Variants in RAB30 observed in about 807,000 individuals in gnomAD.
The protein encoded by RAB30 is RAB30, member RAS oncogene family, also known as ras-related protein Rab-30.
In RAB30, 9 loss-of-function variants were observed where a neutral mutation model predicts 25.1. The observed-to-expected ratio is 0.36, with a 90% confidence interval of 0.22 to 0.63. The LOEUF is 0.63. Among genes scored for constraint, RAB30 ranks in the 20% least tolerant of loss-of-function variants. The pLI, the probability that RAB30 is intolerant of heterozygous loss-of-function variation, is 0.69. For missense variants in RAB30, 140 were observed against 243.5 expected (o/e 0.58, Z 2.83); for synonymous variants, 77 against 86.4 (o/e 0.89, Z 0.60).
chr11:82,985,896 G>A lies in RAB30; in HGVS notation c.361+1691C>T, dbSNP rs1274860084. Among the ~76,000 whole-genome samples the A allele has an allele frequency of 3.9e-5, 6 of 152,026 alleles. No homozygotes were observed. In the South Asian group the frequency reaches 1.2e-3, roughly 32 times the overall value. Reference sequence around the variant, plus strand: ...CTGGCTAATCTCGCTACATTGCCCAGGCTGGTCAGAACTGCTGGGCTCAAG... The same window carrying A: ...CTGGCTAATCTCGCTACATTGCCCAAGCTGGTCAGAACTGCTGGGCTCAAG... On this transcript the variant is annotated intron_variant, in intron 4 of 4. Coordinates refer to ENST00000527633, the MANE Select transcript of RAB30 (RefSeq NM_001286060.2).
At chr11:82,996,717 T>C (rs745352856) in intron 2 of RAB30, among the ~76,000 whole-genome samples, 20 of 152,242 alleles carry the variant, frequency 1.3e-4, no homozygotes, top group African/African-American at 4.3e-4. Flanking sequence ...TTTCATTTCA[T>C]TCCTACTGAA....
chr11:83,045,057 G>A (rs746944834), intron 1 of RAB30, among the ~76,000 whole-genome samples: 7 of 152,144 alleles, frequency 4.6e-5, no homozygotes, highest in South Asian at 2.1e-4. Flanking sequence ...TTTCCTAGCC[G>A]AAATCTGCAC....
At chr11:83,056,505 G>C (rs1357173504) in intron 1 of RAB30, among the ~76,000 whole-genome samples, 1 of 152,204 alleles carries the variant, frequency 6.6e-6, no homozygotes, top group East Asian at 1.9e-4. Context: ...TCATAAAGAT[G>C]TGTTTCAACC....
intron 1 of RAB30, among the ~76,000 whole-genome samples, chr11:83,045,245 C>T (rs1000706824): frequency 2.0e-5 from 3 of 152,026 alleles, no homozygotes; most frequent in African/African-American, 7.3e-5. Flanking sequence ...CTCCCTTTGT[C>T]ACCCAGCCTC....
intron 1 of RAB30, among the ~76,000 whole-genome samples, chr11:83,040,566 T>C (rs1327612057): frequency 6.9e-6 from 1 of 145,116 alleles, no homozygotes; most frequent in African/African-American, 2.6e-5. Context: ...CACTCCAGCC[T>C]GGGCAACAAG....
chr11:83,027,770 A>G (rs946075442), intron 1 of RAB30, among the ~76,000 whole-genome samples: 5 of 152,236 alleles, frequency 3.3e-5, no homozygotes, highest in Non-Finnish European at 4.4e-5. Flanking sequence ...CATTCCCCCA[A>G]TGAAAATCCT....
At chr11:83,036,382 G>A (rs1455142143) in intron 1 of RAB30, among the ~76,000 whole-genome samples, 1 of 152,050 alleles carries the variant, frequency 6.6e-6, no homozygotes, top group African/African-American at 2.4e-5. Context: ...GGCCAGAGCT[G>A]GTCTCGAACT....
chr11:83,035,633 C>T (rs1048449909), intron 1 of RAB30: 8 of 152,354 alleles, frequency 5.3e-5, no homozygotes, highest in Middle Eastern at 6.8e-3. Flanking sequence ...CTGTGATTTC[C>T]CAAGGGAGAT....
chr11:83,046,062 C>A (rs944335575), intron 1 of RAB30, among the ~76,000 whole-genome samples: 1 of 152,182 alleles, frequency 6.6e-6, no homozygotes, highest in African/African-American at 2.4e-5. Context: ...CCAAATAAAT[C>A]ACCTTTCTTC....
intron 4 of RAB30, 133 bp downstream of exon 4, chr11:82,987,453 AG>A: frequency 1.2e-6 from 1 of 835,932 alleles, no homozygotes; most frequent in Non-Finnish European, 1.8e-6. Flanking sequence ...CAATTGCAGA[AG>A]AACTGAAGGT....
intron 1 of RAB30, among the ~76,000 whole-genome samples, chr11:83,043,226 AC>A (rs973799923): frequency 1.3e-5 from 2 of 152,180 alleles, no homozygotes; most frequent in African/African-American, 4.8e-5. Flanking sequence ...AGCCATGGAA[AC>A]AAGCCTGTTC....
At chr11:83,067,155 C>A (rs969074197) in intron 1 of RAB30, among the ~76,000 whole-genome samples, 36 of 152,116 alleles carry the variant, frequency 2.4e-4, no homozygotes, top group African/African-American at 8.7e-4. Flanking sequence ...CCTCTTTGTA[C>A]GTGATTATTT....
chr11:82,984,597 C>T (rs1856704317), intron 4 of RAB30, among the ~76,000 whole-genome samples: 2 of 152,144 alleles, frequency 1.3e-5, no homozygotes, highest in Admixed American at 6.5e-5. Context: ...CTAGCAGAAC[C>T]TAATAGGAAA....
chr11:83,055,360 A>G (rs1017868270), intron 1 of RAB30, among the ~76,000 whole-genome samples: 1 of 152,214 alleles, frequency 6.6e-6, no homozygotes, highest in South Asian at 2.1e-4. Context: ...GACACCCACA[A>G]TTATAGAACC....
At chr11:83,067,408 T>C (rs12146474) in intron 1 of RAB30, among the ~76,000 whole-genome samples, 33,568 of 151,998 alleles carry the variant, frequency 0.22, 4,330 homozygotes, top group Admixed American at 0.29. Flanking sequence ...ATAAGCAGTG[T>C]CCAGTGTGAG....
chr11:83,008,100 A>G (rs892989299), intron 1 of RAB30, among the ~76,000 whole-genome samples: 1 of 152,206 alleles, frequency 6.6e-6, no homozygotes, highest in Non-Finnish European at 1.5e-5. Flanking sequence ...CTGGACCGGA[A>G]GAACCTTCTT....
chr11:83,068,383 G>A (rs1288208931), intron 1 of RAB30, among the ~76,000 whole-genome samples: 1 of 151,336 alleles, frequency 6.6e-6, no homozygotes, highest in African/African-American at 2.4e-5. Context: ...TCATACAGAC[G>A]ACAAAAATTA....
intron 1 of RAB30, among the ~76,000 whole-genome samples, chr11:83,036,688 G>A (rs570888712): frequency 2.4e-4 from 36 of 152,288 alleles, no homozygotes; most frequent in South Asian, 1.2e-3. Flanking sequence ...ATGAGATGAG[G>A]CCTCAGAGGA....
At chr11:83,015,388 G>T (rs1410123143) in intron 1 of RAB30, among the ~76,000 whole-genome samples, 1 of 152,050 alleles carries the variant, frequency 6.6e-6, no homozygotes, top group African/African-American at 2.4e-5. Context: ...AAGAAAGAAA[G>T]AAATGAAAAG....
Sources: allele counts gnomAD v4.1 joint callset (sites outside exome capture counted in the v4.1 genomes callset), GRCh38; gene constraint gnomAD v4.1.1; transcripts MANE v1.5; gene names NCBI Gene and HGNC (gene_info 2026-07-23, HGNC 2026-07-21).